The following PAX5 variants were observed in gnomAD, a reference collection of about 807,000 sequenced individuals.
PAX5 encodes the protein paired box protein Pax-5.
A neutral mutation model predicts 43.7 loss-of-function variants in PAX5; 9 were observed. The observed-to-expected ratio is 0.21, with a 90% confidence interval of 0.12 to 0.36. The LOEUF is 0.36. PAX5 is among the 10% of genes least tolerant of loss of function. The pLI, the probability that PAX5 is intolerant of heterozygous loss-of-function variation, is 1.00. For synonymous variants in PAX5, 228 were observed against 214.3 expected (o/e 1.06, Z -0.56); for missense variants, 383 against 532.7 (o/e 0.72, Z 2.77).
intron 4 of PAX5, among the ~76,000 whole-genome samples, chr9:37,006,078 G>A (rs988942524): frequency 6.6e-6 from 1 of 152,158 alleles, no homozygotes; most frequent in East Asian, 1.9e-4. Context: ...ATTGTAGAAG[G>A]GCTGGTTGAT....
chr9:36,909,043 C>T (rs912123110), intron 7 of PAX5, among the ~76,000 whole-genome samples: 1 of 152,110 alleles, frequency 6.6e-6, no homozygotes, highest in East Asian at 1.9e-4. Flanking sequence ...AGTTTCATTT[C>T]GGCTTTAAAA....
At chr9:37,018,299 GAA>G (rs1394813541) in intron 2 of PAX5, among the ~76,000 whole-genome samples, 1 of 152,092 alleles carries the variant, frequency 6.6e-6, no homozygotes, top group Middle Eastern at 3.2e-3. Flanking sequence ...AGGCTCCAGT[GAA>G]AAAAGACAGC....
intron 7 of PAX5, among the ~76,000 whole-genome samples, chr9:36,899,915 C>A (rs1409572051): frequency 6.6e-6 from 1 of 152,192 alleles, no homozygotes; most frequent in Non-Finnish European, 1.5e-5. Flanking sequence ...TGTGCAGATT[C>A]CCTTGGGCTT....
chr9:36,919,764 C>T (rs1430292226), intron 7 of PAX5, among the ~76,000 whole-genome samples: 3 of 144,320 alleles, frequency 2.1e-5, no homozygotes, highest in Non-Finnish European at 3.0e-5. Flanking sequence ...TGCTTGAACC[C>T]GGGAGGCAGA....
intron 5 of PAX5, among the ~76,000 whole-genome samples, chr9:36,984,369 C>A (rs1448631559): frequency 6.7e-6 from 1 of 148,490 alleles, no homozygotes; most frequent in Non-Finnish European, 1.5e-5. Flanking sequence ...AAACAGAGTG[C>A]TTGGGTTTGA....
At chr9:36,889,715 A>G (rs1026526421) in intron 7 of PAX5, among the ~76,000 whole-genome samples, 95 of 152,334 alleles carry the variant, frequency 6.2e-4, no homozygotes, top group African/African-American at 2.2e-3. Context: ...CCTGGCACAC[A>G]GTAGGTACTC....
chr9:36,856,842 G>A (rs1474430436), intron 8 of PAX5, among the ~76,000 whole-genome samples: 1 of 152,202 alleles, frequency 6.6e-6, no homozygotes, highest in Non-Finnish European at 1.5e-5. Flanking sequence ...GGATTACAAA[G>A]ATAGGAAGGC....
intron 9 of PAX5, among the ~76,000 whole-genome samples, chr9:36,843,339 T>A (rs979308320): frequency 2.0e-5 from 3 of 151,750 alleles, no homozygotes; most frequent in Admixed American, 6.6e-5. Flanking sequence ...CCGGGAGAGG[T>A]GAACGGGCCT....
At chr9:36,936,443 G>C (rs937927558) in intron 6 of PAX5, among the ~76,000 whole-genome samples, 2 of 152,230 alleles carry the variant, frequency 1.3e-5, no homozygotes, top group African/African-American at 4.8e-5. Flanking sequence ...CTTCCAGGCA[G>C]TCCATGATGG....
intron 8 of PAX5, among the ~76,000 whole-genome samples, chr9:36,865,201 G>C (rs1364370150): frequency 1.8e-4 from 28 of 152,168 alleles, no homozygotes; most frequent in Non-Finnish European, 4.4e-5. Flanking sequence ...ATTTCCAGGT[G>C]CTTCCCTCAG....
intron 7 of PAX5, among the ~76,000 whole-genome samples, chr9:36,883,861 C>T (rs1184245261): frequency 1.3e-5 from 2 of 152,018 alleles, no homozygotes; most frequent in Non-Finnish European, 2.9e-5. Context: ...TAAAGAAACA[C>T]ACTCCACATG....
chr9:36,886,581 C>T (rs1393938195), intron 7 of PAX5, among the ~76,000 whole-genome samples: 2 of 152,146 alleles, frequency 1.3e-5, no homozygotes, highest in African/African-American at 4.8e-5. Context: ...AGATGCTACT[C>T]CCCCTTCTTA....
At chr9:36,929,755 C>T (rs1242563407) in intron 6 of PAX5, among the ~76,000 whole-genome samples, 3 of 152,196 alleles carry the variant, frequency 2.0e-5, no homozygotes, top group African/African-American at 7.2e-5. Context: ...GAGACAGAGT[C>T]TCGCTCTGTT....
chr9:36,882,095 C>A lies in PAX5; in HGVS notation c.921G>T (p.Leu307Phe), dbSNP rs2131764118. Residue 307 changes from leucine to phenylalanine, a missense_variant, in exon 8 of 10, where the codon TTG (leucine) becomes TTT (phenylalanine). Coordinates refer to ENST00000358127, the MANE Select transcript of PAX5 (RefSeq NM_016734.3). This position sits in a 1 kb window ranked among gnomAD's most constrained non-coding sequence, Gnocchi z 4.4. The part of the protein sequence containing the change: ...QSYPIVTGRD[L>F]ASTTLPGYPP... Reference sequence around the variant, plus strand: ...GGTACCCGGGGAGGGTCGTGCTCGCCAAGTCACGGCCTGAGGAATCAAAGC... The same window carrying A: ...GGTACCCGGGGAGGGTCGTGCTCGCAAAGTCACGGCCTGAGGAATCAAAGC... The A allele has an allele frequency of 6.3e-7, 1 of 1,594,958 alleles. No individual in the cohort carries two copies.
chr9:36,933,932 A>C (rs1831335285), intron 6 of PAX5, among the ~76,000 whole-genome samples: 1 of 152,042 alleles, frequency 6.6e-6, no homozygotes. Flanking sequence ...CTTCTGACTC[A>C]CTAATGTCTG....
chr9:36,898,551 A>G (rs1272554503), intron 7 of PAX5, among the ~76,000 whole-genome samples: 1 of 152,212 alleles, frequency 6.6e-6, no homozygotes, highest in Non-Finnish European at 1.5e-5. Flanking sequence ...CAGGAGGACT[A>G]GGAGAATTAA....
intron 1 of PAX5, chr9:37,026,733 G>A (rs527738322): frequency 3.0e-6 from 3 of 985,330 alleles, no homozygotes; most frequent in Middle Eastern, 5.2e-4. Context: ...GAGCCTCCCT[G>A]CTGGAGACCG....
chr9:36,985,903 C>A (rs1028415430), intron 5 of PAX5, among the ~76,000 whole-genome samples: 3 of 152,232 alleles, frequency 2.0e-5, no homozygotes, highest in African/African-American at 7.2e-5. Context: ...CCCACTCAGG[C>A]TCGGGGACAG....
At chr9:36,852,938 G>A (rs1276252926) in intron 8 of PAX5, among the ~76,000 whole-genome samples, 1 of 152,192 alleles carries the variant, frequency 6.6e-6, no homozygotes, top group African/African-American at 2.4e-5. Flanking sequence ...TGGGCCAGCA[G>A]AGGAAAGGGA....
Sources: allele counts gnomAD v4.1 joint callset (sites outside exome capture counted in the v4.1 genomes callset), GRCh38; gene constraint gnomAD v4.1.1; non-coding constraint Gnocchi (gnomAD v3.1); transcripts MANE v1.5; gene names NCBI Gene and HGNC (gene_info 2026-07-23, HGNC 2026-07-21).